Variants in EYS observed in about 807,000 individuals in gnomAD.
EYS encodes the protein EGF-like photoreceptor maintenance factor.
Under a neutral mutation model 282.1 loss-of-function variants are expected in EYS, and 250 were observed. That is an observed-to-expected ratio of 0.89 (90% CI 0.80 to 0.98). The LOEUF is 0.98. Ranked by LOEUF, EYS falls within the 50% of genes least tolerant of loss-of-function variation. The probability of loss-of-function intolerance (pLI) is 0.00; values close to 1 mark genes in which losing one functional copy is unlikely to be tolerated. For missense variants in EYS, 4,016 were observed against 3,709.0 expected (o/e 1.08, Z -2.15); for synonymous variants, 1,355 against 1,282.9 (o/e 1.06, Z -1.20).
rs200949434 is a variant in EYS at position 65,190,269 on chromosome 6, TTA to T, written c.2023+105592_2023+105593del. Among the ~76,000 whole-genome samples the T allele has an allele frequency of 9.0e-3, 1,331 of 148,148 alleles. 13 individuals carry two copies. The highest frequency in any genetic ancestry group is 0.03 in the African/African-American group (1,226 of 40,876). The stretch of plus-strand genomic sequence containing the variant: ...TTATATTTATGTTTAATTTATATAT[TTA>T]TATGTTATATAAAGTATTTTCATGT... On this transcript the variant is annotated intron_variant, in intron 12 of 42. Coordinates refer to ENST00000503581, the MANE Select transcript of EYS (RefSeq NM_001142800.2).
chr6:64,927,027 G>A (rs1250213860), intron 15 of EYS, among the ~76,000 whole-genome samples: 1 of 152,140 alleles, frequency 6.6e-6, no homozygotes, highest in Non-Finnish European at 1.5e-5. Flanking sequence ...TAGGACATTG[G>A]GAAACATGAT....
intron 34 of EYS, among the ~76,000 whole-genome samples, chr6:63,994,595 T>G (rs1767750665): frequency 6.6e-6 from 1 of 151,886 alleles, no homozygotes; most frequent in African/African-American, 2.4e-5. Flanking sequence ...GAAGACAAAT[T>G]CACATTCTAA....
chr6:63,995,466 T>C (rs1316973970), intron 34 of EYS, among the ~76,000 whole-genome samples: 2 of 152,016 alleles, frequency 1.3e-5, no homozygotes, highest in Non-Finnish European at 2.9e-5. Flanking sequence ...TGTAAGATGA[T>C]GTAGCCACTG....
At chr6:64,619,851 G>C (rs1366330439) in intron 23 of EYS, among the ~76,000 whole-genome samples, 1 of 152,018 alleles carries the variant, frequency 6.6e-6, no homozygotes, top group African/African-American at 2.4e-5. Flanking sequence ...TTGGGAAACA[G>C]CCTGAGAGAA....
At position 63,914,345 on chromosome 6, in the gene EYS, A is replaced by C. The variant is rs774499934; in HGVS notation, c.7056-49987T>G. 5.3e-5 allele frequency among the ~76,000 whole-genome samples: 8 copies of C among 152,344 alleles called. No homozygotes were observed. The South Asian group carries it at 1.0e-3, about 20-fold the overall frequency. The stretch of plus-strand genomic sequence containing the variant: ...GAAAGCTAGGCCTCTTGCACCAAAC[A>C]GCCAAGTTGTAAATGCAAAGGAAAA... On this transcript the variant is annotated intron_variant, in intron 35 of 42. Transcript: ENST00000503581.
At chr6:64,061,671 T>G (rs952694767) in intron 33 of EYS, among the ~76,000 whole-genome samples, 2 of 152,174 alleles carry the variant, frequency 1.3e-5, no homozygotes, top group Non-Finnish European at 2.9e-5. Context: ...AAGTTGGGCT[T>G]ATGGTTTATT....
intron 29 of EYS, among the ~76,000 whole-genome samples, chr6:64,373,502 G>A (rs2150415293): frequency 6.6e-6 from 1 of 152,320 alleles, no homozygotes; most frequent in African/African-American, 2.4e-5. Flanking sequence ...CAGAGTTTAG[G>A]TGGAATTGGG....
chr6:64,180,133 A>C (rs2150311219), intron 31 of EYS, among the ~76,000 whole-genome samples: 1 of 152,242 alleles, frequency 6.6e-6, no homozygotes. Context: ...TAAAATACTG[A>C]GAATACTATC....
chr6:63,721,696 T>G lies in EYS; in HGVS notation c.8335A>C (p.Asn2779His). Reference protein sequence around the residue: ...ILETLQKVTINGSTWHIIKAG... With the variant: ...ILETLQKVTIHGSTWHIIKAG... The stretch of plus-strand genomic sequence containing the variant: ...TTTATTATATGCCAAGTACTTCCGT[T>G]TATAGTTACTTTTTGGAGAGTTTCT... The change falls in exon 43 of 43, where the codon AAC becomes CAC. Residue 2779 changes from asparagine to histidine, a missense_variant. By Grantham distance (68) the Asn-to-His change is moderately conservative. Transcript: ENST00000503581. The G allele has an allele frequency of 1.3e-6, 2 of 1,551,406 alleles. No homozygotes were observed. The highest frequency in any genetic ancestry group is 1.4e-5 in the African/African-American group (1 of 73,144).
chr6:64,493,174 TTTA>T (rs1776788509), intron 26 of EYS, among the ~76,000 whole-genome samples: 1 of 151,564 alleles, frequency 6.6e-6, no homozygotes, highest in South Asian at 2.1e-4. Flanking sequence ...TTCAGAAGCC[TTTA>T]TTATCTAATA....
intron 13 of EYS, among the ~76,000 whole-genome samples, chr6:65,033,468 C>A (rs372071558): frequency 6.6e-6 from 1 of 152,132 alleles, no homozygotes; most frequent in African/African-American, 2.4e-5. Context: ...TTTCATAGGC[C>A]GGTCACAAGG....
intron 12 of EYS, among the ~76,000 whole-genome samples, chr6:65,258,090 C>T (rs957553654): frequency 4.0e-5 from 6 of 151,800 alleles, no homozygotes; most frequent in African/African-American, 1.2e-4. Flanking sequence ...ATACCTATGT[C>T]AAAACATTAC....
At chr6:65,516,561 T>C (rs1445117325) in intron 2 of EYS, among the ~76,000 whole-genome samples, 10 of 152,090 alleles carry the variant, frequency 6.6e-5, no homozygotes. Flanking sequence ...TATTTCAGTA[T>C]AGAGTGAGAT....
At chr6:65,563,272 T>C (rs1769134947) in intron 2 of EYS, among the ~76,000 whole-genome samples, 1 of 152,104 alleles carries the variant, frequency 6.6e-6, no homozygotes. Context: ...CATTACCAAT[T>C]ATACAAGTTG....
At chr6:65,254,445 T>C (rs893633621) in intron 12 of EYS, among the ~76,000 whole-genome samples, 1 of 151,904 alleles carries the variant, frequency 6.6e-6, no homozygotes, top group Non-Finnish European at 1.5e-5. Flanking sequence ...GTAATTGTAC[T>C]TGAATGGAAT....
At chr6:64,350,400 A>G (rs1446553579) in intron 29 of EYS, among the ~76,000 whole-genome samples, 1 of 151,602 alleles carries the variant, frequency 6.6e-6, no homozygotes, top group African/African-American at 2.4e-5. Context: ...ACATTTCTCT[A>G]TATTCCAGAG....
At chr6:64,421,477 T>C (rs946862573) in intron 28 of EYS, among the ~76,000 whole-genome samples, 3 of 152,122 alleles carry the variant, frequency 2.0e-5, no homozygotes, top group Non-Finnish European at 4.4e-5. Flanking sequence ...TTCTCATTAG[T>C]ATAACTCTTA....
At chr6:64,399,672 A>G (rs539799881) in intron 28 of EYS, among the ~76,000 whole-genome samples, 37 of 152,042 alleles carry the variant, frequency 2.4e-4, no homozygotes, top group African/African-American at 8.9e-4. Flanking sequence ...ACATAAGCCA[A>G]TTCCTTGAAA....
At chr6:64,320,145 C>T (rs1156999191) in intron 29 of EYS, among the ~76,000 whole-genome samples, 2 of 151,772 alleles carry the variant, frequency 1.3e-5, no homozygotes, top group Non-Finnish European at 2.9e-5. Flanking sequence ...TTGTCTTCTG[C>T]TTTGCATTGT....
Sources: gnomAD v4.1 joint callset for allele counts (sites outside exome capture counted in the v4.1 genomes callset) on GRCh38, gnomAD v4.1.1 for gene constraint, MANE v1.5 for transcripts, NCBI Gene and HGNC (gene_info 2026-07-23, HGNC 2026-07-21) for gene names.